XPO7: variants seen among roughly 807,000 people sequenced by gnomAD.
XPO7 encodes exportin 7, also known as exportin-7.
In XPO7, 21 loss-of-function variants were observed where a neutral mutation model predicts 144.3. That is an observed-to-expected ratio of 0.15 (90% CI 0.10 to 0.21). The LOEUF is 0.21. Ranked by LOEUF, XPO7 falls within the 10% of genes least tolerant of loss-of-function variation. The pLI is 1.00. For synonymous variants in XPO7, 580 were observed against 499.6 expected (o/e 1.16, Z -2.15); for missense variants, 808 against 1,325.8 (o/e 0.61, Z 6.06).
At chr8:21,949,275 C>G (rs970055475) in intron 1 of XPO7, among the ~76,000 whole-genome samples, 2 of 152,144 alleles carry the variant, frequency 1.3e-5, no homozygotes, top group South Asian at 2.1e-4. Flanking sequence ...TAGGGTAGCA[C>G]GAGTCATGGG....
At chr8:21,965,989 G>A (rs1192232498) in intron 1 of XPO7, among the ~76,000 whole-genome samples, 1 of 142,442 alleles carries the variant, frequency 7.0e-6, no homozygotes, top group African/African-American at 2.7e-5. Flanking sequence ...TCCAGTCAGT[G>A]AAAGGTGATA....
chr8:21,981,847 G>A lies in XPO7; in HGVS notation c.1074G>A (p.Leu358=). Residue 358 remains leucine (L), a synonymous_variant, in exon 10 of 28, where the codon TTG becomes TTA. Transcript: ENST00000252512. The part of the protein sequence containing the change: ...KVENYPEVIR[L]IANFTVTSLQ... ...AAAACTACCCTGAGGTCATCCGATT[G>A]ATAGCCAACTTCACAGTGACCAGCC... The A allele has an allele frequency of 6.2e-7, 1 of 1,613,986 alleles. No homozygotes were observed. Among genetic ancestry groups the A allele is most frequent in the Non-Finnish European group, 8.5e-7 (1 of 1,179,862 alleles).
chr8:21,934,740 G>A (rs1227488283), intron 1 of XPO7, among the ~76,000 whole-genome samples: 2 of 152,174 alleles, frequency 1.3e-5, no homozygotes, highest in Admixed American at 1.3e-4. Context: ...CAAGAGATTA[G>A]CAAGAACTAG....
At chr8:21,990,274 G>A in intron 16 of XPO7, 70 bp from the exon 17 acceptor site, 7 of 1,506,000 alleles carry the variant, frequency 4.6e-6, no homozygotes, top group Non-Finnish European at 6.5e-6. Flanking sequence ...CTTTATTCTG[G>A]AAAGTTTCCA....
chr8:21,954,813 T>C (rs1013793069), intron 1 of XPO7, among the ~76,000 whole-genome samples: 1 of 152,236 alleles, frequency 6.6e-6, no homozygotes, highest in Non-Finnish European at 1.5e-5. Context: ...ATCTAGCCAG[T>C]AGGTTATCAC....
At chr8:21,994,143 C>G (rs1389870205) in intron 19 of XPO7, among the ~76,000 whole-genome samples, 1 of 152,146 alleles carries the variant, frequency 6.6e-6, no homozygotes, top group African/African-American at 2.4e-5. Flanking sequence ...GCATAACAAA[C>G]TTCCAAAGCT....
intron 27 of XPO7, 113 bp downstream of exon 27, chr8:22,004,143 C>A: frequency 7.4e-7 from 1 of 1,352,660 alleles, no homozygotes; most frequent in Non-Finnish European, 1.0e-6. Flanking sequence ...CCATCTAAAG[C>A]AATGCAATGC....
intron 5 of XPO7, 108 bp downstream of exon 5, chr8:21,972,049 G>A (rs1585454765): frequency 3.9e-6 from 4 of 1,018,456 alleles, no homozygotes; most frequent in Non-Finnish European, 6.0e-6. Flanking sequence ...GTGCTTTTGC[G>A]GTAAGTGATT....
intron 11 of XPO7, 65 bp downstream of exon 11, chr8:21,982,877 G>C: frequency 6.6e-7 from 1 of 1,515,670 alleles, no homozygotes; most frequent in South Asian, 1.3e-5. Flanking sequence ...CTAGAGATCA[G>C]ACACCCCATT....
At chr8:21,944,265 A>G (rs1484801324) in intron 1 of XPO7, among the ~76,000 whole-genome samples, 1 of 152,178 alleles carries the variant, frequency 6.6e-6, no homozygotes, top group African/African-American at 2.4e-5. Flanking sequence ...TATATATTCC[A>G]CATGCCATCA....
rs1480150013 is a variant in XPO7, at chr8:21,969,433, A to T, written c.166-50A>T. ...AGATCTCCAAGTTAAAAACCTTGTG[A>T]CTGGCTTACTCAATACAATTTTAAG... On this transcript the variant is annotated intron_variant, in intron 2 of 27. Transcript: ENST00000252512. 5.4e-6 allele frequency: 8 copies of T among 1,487,012 alleles called. No individual in the cohort carries two copies. The African/African-American group carries it at 7.0e-5, about 13-fold the overall frequency. The allele number at this position is 1,487,012 out of a possible 1,614,324, so 92.1% of individuals were successfully genotyped here.
At chr8:21,994,481 C>T (rs1354535528) in intron 20 of XPO7, 30 bp downstream of exon 20, 3 of 1,589,052 alleles carry the variant, frequency 1.9e-6, no homozygotes, top group Non-Finnish European at 2.6e-6. Flanking sequence ...GAGCACACTA[C>T]AGCCTGCCTT....
Position 21,999,069 on chromosome 8 carries a change from CAT to C in XPO7, c.2429-17_2429-16del. The C allele has an allele frequency of 1.9e-6, 3 of 1,613,348 alleles. No individual in the cohort carries two copies. The highest frequency in any genetic ancestry group is 2.5e-6 in the Non-Finnish European group (3 of 1,179,364). On this transcript the variant is annotated intron_variant, in intron 22 of 27. Coordinates refer to ENST00000252512, the MANE Select transcript of XPO7 (RefSeq NM_015024.5). ...AGCGCTTCTAATGTGGTTGAATAAA[CAT>C]ATATGACATGTCTACTCAGGCAATC... is the stretch of plus-strand genomic sequence containing the variant.
At chr8:21,934,691 C>G (rs766118363) in intron 1 of XPO7, among the ~76,000 whole-genome samples, 2 of 152,164 alleles carry the variant, frequency 1.3e-5, no homozygotes, top group Non-Finnish European at 1.5e-5. Context: ...AAGGAGACAT[C>G]CCAACTGAAG....
rs1812635184 is a variant in XPO7, at chr8:21,987,931, T to C, written c.1787+74T>C. 3.4e-6 allele frequency: 5 copies of C among 1,475,582 alleles called. No homozygotes were observed. The South Asian group carries it at 4.8e-5, about 14-fold the overall frequency. The allele number at this position is 1,475,582 out of a possible 1,614,324, so 91.4% of individuals were successfully genotyped here. ...CAACTGTAAAATGTGATCTTGGCAT[T>C]GTGCTGCCAGTGCCTGGTATTCCAG... On this transcript the variant is annotated intron_variant, in intron 15 of 27. Coordinates refer to ENST00000252512, the MANE Select transcript of XPO7 (RefSeq NM_015024.5).
intron 1 of XPO7, among the ~76,000 whole-genome samples, chr8:21,934,828 A>T (rs889306871): frequency 2.6e-5 from 4 of 152,232 alleles, no homozygotes; most frequent in East Asian, 1.9e-4. Context: ...CTAATTCCAT[A>T]AATTAGGAAA....
Position 21,987,837 on chromosome 8 carries a change from A to G in XPO7, c.1767A>G (p.Leu589=). 6.2e-7 allele frequency: 1 copy of G among 1,613,866 alleles called. No individual in the cohort carries two copies. Among genetic ancestry groups the G allele is most frequent in the Non-Finnish European group, 8.5e-7 (1 of 1,179,818 alleles). ...VLGLNDETMV[L]SVFIGKIITN... is the part of the protein sequence containing the mutation. ...GCTTGAATGATGAGACCATGGTCCT[A>G]AGCGTCTTCATAGGAAAAATGTAAG... Residue 589 remains leucine (L), a synonymous_variant, in exon 15 of 28, where the codon CTA becomes CTG. Transcript: ENST00000252512.
chr8:21,922,723 C>T (rs1159364861), intron 1 of XPO7, among the ~76,000 whole-genome samples: 1 of 151,874 alleles, frequency 6.6e-6, no homozygotes, highest in African/African-American at 2.4e-5. Flanking sequence ...ATTTATATAT[C>T]GAATATGCTA....
At chr8:22,003,102 T>C in intron 25 of XPO7, 117 bp from the exon 26 acceptor site, 1 of 596,330 alleles carries the variant, frequency 1.7e-6, no homozygotes, top group Non-Finnish European at 2.8e-6. Flanking sequence ...ATTTGTCTGA[T>C]TTACCCTATA....
Sources: gnomAD v4.1 joint callset for allele counts (sites outside exome capture counted in the v4.1 genomes callset) on GRCh38, gnomAD v4.1.1 for gene constraint, MANE v1.5 for transcripts, NCBI Gene and HGNC (gene_info 2026-07-23, HGNC 2026-07-21) for gene names.